The following DUOX2 variants were observed in gnomAD, a reference collection of about 807,000 sequenced individuals.
DUOX2 encodes NADH/NADPH thyroid oxidase p138-tox.
Under a neutral mutation model 183.3 loss-of-function variants are expected in DUOX2, and 185 were observed. The ratio of observed to expected loss-of-function variants is 1.01; its 90% CI spans 0.90 to 1.14. The LOEUF is 1.14. Among genes scored for constraint, DUOX2 ranks in the 50% most tolerant of loss-of-function variants. The pLI is 0.00. For synonymous variants in DUOX2, 788 were observed against 812.4 expected (o/e 0.97, Z 0.51); for missense variants, 1,999 against 2,022.9 (o/e 0.99, Z 0.23).
chr15:45,094,236 C>A lies in DUOX2; in HGVS notation c.4561G>T (p.Gly1521Ter), dbSNP rs765781255. 1.2e-5 allele frequency: 20 copies of A among 1,614,030 alleles called. No individual in the cohort carries two copies. In the East Asian group the frequency reaches 3.8e-4, roughly 31 times the overall value. The change falls in exon 34 of 34, where the codon GGA (glycine) becomes TGA (stop). Residue 1521 changes from glycine (G) to a stop codon, truncating the protein, a stop_gained. Transcript: ENST00000389039. LOFTEE classifies it high-confidence loss of function. Reference sequence around the variant, plus strand: ...GCCTTCTCTACATTCTTGGTCATTCCTGGAGGGCCGCAGCTGAACACCCCG... The same window carrying A: ...GCCTTCTCTACATTCTTGGTCATTCATGGAGGGCCGCAGCTGAACACCCCG... ...KIGVFSCGPP[G>*]MTKNVEKACQ...
At chr15:45,107,236 C>T (rs867290837) in intron 14 of DUOX2, 109 bp downstream of exon 14, 3 of 1,445,976 alleles carry the variant, frequency 2.1e-6, no homozygotes, top group Non-Finnish European at 2.9e-6. Context: ...CCTAGCCCAA[C>T]ACAGAAGGTG....
At chr15:45,101,129 C>G (rs1480591795) in intron 22 of DUOX2, 76 bp downstream of exon 22, 1 of 1,350,108 alleles carries the variant, frequency 7.4e-7, no homozygotes, top group East Asian at 2.4e-5. Flanking sequence ...AGGGGCTGAT[C>G]AGCCAGTCCT....
In DUOX2 at chr15:45,104,385, G is replaced by C; in HGVS notation, c.2335-20C>G. On this transcript the variant is annotated intron_variant, in intron 18 of 33. Coordinates refer to ENST00000389039, the MANE Select transcript of DUOX2 (RefSeq NM_001363711.2). ...CAGCACCTGCACTCGGGCAGCAGCA[G>C]AGGGAGGGAAAGAGAAGGAGGTGAA... The C allele has an allele frequency of 6.2e-7, 1 of 1,610,968 alleles. No homozygotes were observed. Among genetic ancestry groups the C allele is most frequent in the Non-Finnish European group, 8.5e-7 (1 of 1,178,614 alleles).
chr15:45,109,367 A>AT (rs1894316058), intron 11 of DUOX2, 157 bp downstream of exon 11: 2 of 669,850 alleles, frequency 3.0e-6, no homozygotes, highest in Non-Finnish European at 5.2e-6. Flanking sequence ...AAAAAAAAAA[A>AT]AGTTCAAAGT....
intron 12 of DUOX2, 89 bp downstream of exon 12, chr15:45,108,700 G>C (rs559768827): frequency 2.3e-5 from 32 of 1,375,128 alleles, no homozygotes; most frequent in South Asian, 1.4e-4. Flanking sequence ...TTATTATGTA[G>C]ATTAAATGAG....
chr15:45,100,855 G>C lies in DUOX2; in HGVS notation c.2922-17C>G, dbSNP rs771223699. On this transcript the variant is annotated splice_polypyrimidine_tract_variant and intron_variant, in intron 22 of 33. Coordinates refer to ENST00000389039, the MANE Select transcript of DUOX2 (RefSeq NM_001363711.2). ...GGGTGGGAGCTGAGAAAAAGAAATG[G>C]GGCTGTTCTCCCCTTGTCTTTGCAG... 6.4e-7 allele frequency: 1 copy of C among 1,566,094 alleles called. No individual in the cohort carries two copies. Among genetic ancestry groups the C allele is most frequent in the Non-Finnish European group, 8.8e-7 (1 of 1,136,578 alleles).
At chr15:45,107,300 T>C in intron 14 of DUOX2, 45 bp downstream of exon 14, 1 of 1,608,468 alleles carries the variant, frequency 6.2e-7, no homozygotes, top group South Asian at 1.1e-5. Flanking sequence ...ATCTTGATCC[T>C]TCTCTGGCCA....
Position 45,114,143 on chromosome 15 carries a change from T to C in DUOX2, c.-185A>G, listed in dbSNP as rs980415370. The C allele has an allele frequency of 4.0e-6, 1 of 252,424 alleles. No individual in the cohort carries two copies. Among genetic ancestry groups the C allele is most frequent in the Non-Finnish European group, 7.8e-6 (1 of 127,718 alleles). 15.6% of individuals were successfully genotyped at this position (252,424 alleles called of 1,614,324 possible). A position where few individuals can be genotyped will look rare whatever the true frequency, so the allele number is the denominator to read the frequency against. On this transcript the variant is annotated 5_prime_UTR_variant, in exon 1 of 34. Coordinates refer to ENST00000389039, the MANE Select transcript of DUOX2 (RefSeq NM_001363711.2). ...GTCCTTGGTCTCGCCACTGTGCAGG[T>C]GTCGGCTCAGGACAGACCTGCGCCA...
chr15:45,097,405 C>T lies in DUOX2; in HGVS notation c.3694-14G>A. The T allele has an allele frequency of 6.2e-7, 1 of 1,614,228 alleles. No individual in the cohort carries two copies. Among genetic ancestry groups the T allele is most frequent in the Non-Finnish European group, 8.5e-7 (1 of 1,180,052 alleles). ...ATGGATGATGAGCTGGAGACACGGC[C>T]AGTTAGTACAACTCAGGCCCAGCCA... On this transcript the variant is annotated splice_polypyrimidine_tract_variant and intron_variant, in intron 28 of 33. Coordinates refer to ENST00000389039, the MANE Select transcript of DUOX2 (RefSeq NM_001363711.2).
Position 45,100,126 on chromosome 15 carries a change from C to T in DUOX2, c.3108G>A (p.Glu1036=), listed in dbSNP as rs563643035. Residue 1036 remains glutamate (E), a synonymous_variant, in exon 24 of 34, where the codon GAG becomes GAA. Coordinates refer to ENST00000389039, the MANE Select transcript of DUOX2 (RefSeq NM_001363711.2). ...CACACACGATGTGCCTCCGGTAGTT[C>T]TCCACGAAGCGCTTGTACTGCTGCA... The part of the protein sequence containing the change: ...QKLQQYKRFV[E]NYRRHIVCVA... 5.0e-6 allele frequency: 8 copies of T among 1,614,240 alleles called. No individual in the cohort carries two copies. The South Asian group carries it at 8.8e-5, about 18-fold the overall frequency.
At chr15:45,113,129 C>A in intron 2 of DUOX2, 53 bp from the exon 3 acceptor site, 1 of 1,578,480 alleles carries the variant, frequency 6.3e-7, no homozygotes, top group Non-Finnish European at 8.6e-7. Flanking sequence ...CTACCCCTCC[C>A]GAGCAACGAA....
In DUOX2 at chr15:45,095,184, C is replaced by G. The variant is rs938710716; in HGVS notation, c.4240-93G>C. ...CCTGAGAGGCTGGGAAGCCCCAGACCACCTGCAGACACCAAAGCTGTGGCA... is the reference window on the plus strand; with the variant it reads ...CCTGAGAGGCTGGGAAGCCCCAGACGACCTGCAGACACCAAAGCTGTGGCA... On this transcript the variant is annotated intron_variant, in intron 31 of 33. Transcript: ENST00000389039. 35 of 1,502,720 alleles carry G rather than the reference C, an allele frequency of 2.3e-5. No homozygotes were observed. In the Admixed American group the frequency reaches 6.9e-4, roughly 30 times the overall value. 93.1% of individuals were successfully genotyped at this position (1,502,720 alleles called of 1,614,324 possible).
At position 45,094,168 on chromosome 15, in the gene DUOX2, G is replaced by GTGCA. The variant is rs1175563229; in HGVS notation, c.4625_4628dup (p.His1544AlafsTer4). On this transcript the variant is annotated frameshift_variant, in exon 34 of 34. Transcript: ENST00000389039. LOFTEE classifies it high-confidence loss of function. ...GACAGGCTCAGAAGTTCTCATAGTGGTGCATGAAGTGGGCTCGGTCCTGCC... is the reference window on the plus strand; with the variant it reads ...GACAGGCTCAGAAGTTCTCATAGTGGTGCATGCATGAAGTGGGCTCGGTCCTGCC... 1 of 1,614,022 alleles carries GTGCA rather than the reference G, an allele frequency of 6.2e-7. No homozygotes were observed. Among genetic ancestry groups the GTGCA allele is most frequent in the Non-Finnish European group, 8.5e-7 (1 of 1,180,028 alleles).
chr15:45,110,566 G>A (rs894577537), intron 8 of DUOX2, 42 bp from the exon 9 acceptor site: 1 of 1,613,852 alleles, frequency 6.2e-7, no homozygotes, highest in Non-Finnish European at 8.5e-7. Context: ...CAGGCTTCTT[G>A]CCTCCACATC....
intron 31 of DUOX2, 95 bp downstream of exon 31, chr15:45,095,342 T>C (rs1595518633): frequency 6.4e-7 from 1 of 1,573,570 alleles, no homozygotes; most frequent in East Asian, 2.2e-5. Context: ...ACTCAGTTCC[T>C]GGAGCCAGGA....
chr15:45,104,627 G>A (rs533864185), intron 18 of DUOX2, among the ~76,000 whole-genome samples: 1 of 152,288 alleles, frequency 6.6e-6, no homozygotes, highest in South Asian at 2.1e-4. Context: ...GGTAGGGAAG[G>A]GGAAGGGCGA....
intron 8 of DUOX2, 32 bp downstream of exon 8, chr15:45,110,618 C>T (rs201507902): frequency 6.2e-5 from 100 of 1,613,588 alleles, no homozygotes; most frequent in Admixed American, 3.3e-4. Flanking sequence ...CAGGATTCTC[C>T]GCACAGGTGT....
In DUOX2 at chr15:45,095,058, G is replaced by A; in HGVS notation, c.4273C>T (p.Gln1425Ter). 1.9e-6 allele frequency: 3 copies of A among 1,614,120 alleles called. No homozygotes were observed. The highest frequency in any genetic ancestry group is 2.5e-6 in the Non-Finnish European group (3 of 1,180,024). Residue 1425 changes from glutamine (Q) to a stop codon, truncating the protein, a stop_gained, in exon 32 of 34, where the codon CAG becomes TAG. Coordinates refer to ENST00000389039, the MANE Select transcript of DUOX2 (RefSeq NM_001363711.2). LOFTEE classifies it high-confidence loss of function. ...ATGATGTCAGCCAGCCACTCAAACT[G>A]ACGCTGGGTCCGTGTCACCCAGATG... ...YFIWVTRTQR[Q>*]FEWLADIIQE...
At chr15:45,109,048 C>T in intron 11 of DUOX2, 96 bp from the exon 12 acceptor site, 1 of 1,482,616 alleles carries the variant, frequency 6.7e-7, no homozygotes, top group Non-Finnish European at 9.3e-7. Flanking sequence ...CGGTTCTTCC[C>T]TCCTGGCTAC....
Sources: allele counts gnomAD v4.1 joint callset (sites outside exome capture counted in the v4.1 genomes callset), GRCh38; gene constraint gnomAD v4.1.1; transcripts MANE v1.5; gene names NCBI Gene and HGNC (gene_info 2026-07-23, HGNC 2026-07-21).